Variants in SCN1A observed in about 807,000 individuals in gnomAD.
SCN1A encodes sodium channel protein type 1 subunit alpha.
A neutral mutation model predicts 193.7 loss-of-function variants in SCN1A; 13 were observed. The ratio of observed to expected loss-of-function variants is 0.07; its 90% CI spans 0.04 to 0.11. The LOEUF (loss-of-function observed/expected upper bound fraction) is 0.11. Among genes scored for constraint, SCN1A ranks in the 10% least tolerant of loss-of-function variants. SCN1A has a pLI of 1.00. For synonymous variants in SCN1A, 781 were observed against 843.6 expected (o/e 0.93, Z 1.29); for missense variants, 1,432 against 2,451.1 (o/e 0.58, Z 8.78).
At chr2:166,012,451 T>C (rs1692618223) in intron 21 of SCN1A, among the ~76,000 whole-genome samples, 169 bp from the exon 22 acceptor site, 1 of 150,802 alleles carries the variant, frequency 6.6e-6, no homozygotes, top group Admixed American at 6.6e-5. Flanking sequence ...ACTTATTTAA[T>C]CAGGGGAAAG....
chr2:166,132,366 A>C (rs76803694), upstream of SCN1A, among the ~76,000 whole-genome samples: 5,918 of 107,076 alleles, frequency 0.055, 261 homozygotes, highest in African/African-American at 0.14. Flanking sequence ...TGTAGATGTC[A>C]ATTTCCTAGT....
rs1299251889 is a variant in SCN1A, at chr2:166,039,526, T to A, written c.2486A>T (p.Gln829Leu). 3 of 1,613,816 alleles carry A rather than the reference T, an allele frequency of 1.9e-6. No individual in the cohort carries two copies. The highest frequency in any genetic ancestry group is 2.5e-6 in the Non-Finnish European group (3 of 1,179,936). ...ACCGTCAAAGATATTCCAGCCTTCTTGGAAATAATAGTAAGGATCCATGGC... is the reference window on the plus strand; with the variant it reads ...ACCGTCAAAGATATTCCAGCCTTCTAGGAAATAATAGTAAGGATCCATGGC... The part of the protein sequence containing the change: ...IIAMDPYYYF[Q>L]EGWNIFDGFI... The change falls in exon 17 of 29, where the codon CAA (glutamine) becomes CTA (leucine). Residue 829 changes from glutamine to leucine, a missense_variant. Gln to Leu is a moderately radical substitution (Grantham distance 113). This residue lies in a region of SCN1A where 93 missense variants were observed against 260.4 expected (regional missense o/e 0.36). Coordinates refer to ENST00000674923, the MANE Select transcript of SCN1A (RefSeq NM_001165963.4).
chr2:166,051,351 A>G (rs1323562457), intron 9 of SCN1A, among the ~76,000 whole-genome samples: 4 of 152,044 alleles, frequency 2.6e-5, no homozygotes, highest in Non-Finnish European at 4.4e-5. Flanking sequence ...AATTTTAAAT[A>G]TTGTTAAATA....
chr2:166,095,911 A>T (rs889487727), intron 2 of SCN1A, among the ~76,000 whole-genome samples: 2 of 152,210 alleles, frequency 1.3e-5, no homozygotes, highest in African/African-American at 4.8e-5. Context: ...CCAGGATGTC[A>T]TAAAATCATC....
intron 1 of SCN1A, chr2:166,137,680 G>A (rs143805469): frequency 6.6e-6 from 1 of 152,348 alleles, no homozygotes; most frequent in Non-Finnish European, 1.5e-5. Context: ...TCATGTCTCA[G>A]GTATGTCATT....
rs371270088 is a variant in SCN1A at position 166,047,717 on chromosome 2, A to G, written c.1080T>C (p.Tyr360=). The G allele has an allele frequency of 1.4e-5, 23 of 1,613,590 alleles. No individual in the cohort carries two copies. The African/African-American group carries it at 2.7e-4, about 19-fold the overall frequency. The part of the protein sequence containing the change: ...MCVKAGRNPN[Y]GYTSFDTFSW... Reference sequence around the variant, plus strand: ...TGAAGGTATCAAAGCTTGTGTAGCCATAATTGGGATTTCTACCAGCTTTCA... The same window carrying G: ...TGAAGGTATCAAAGCTTGTGTAGCCGTAATTGGGATTTCTACCAGCTTTCA... The change falls in exon 11 of 29, where the codon TAT becomes TAC. Residue 360 remains tyrosine, a synonymous_variant. Transcript: ENST00000674923.
chr2:165,997,161 C>CT (rs200835913), intron 26 of SCN1A, among the ~76,000 whole-genome samples: 9 of 149,676 alleles, frequency 6.0e-5, no homozygotes, highest in East Asian at 2.0e-4. Flanking sequence ...GTCCCTCTCT[C>CT]TTTTTTTTTG....
At chr2:166,103,229 T>G (rs1688315692) in intron 2 of SCN1A, among the ~76,000 whole-genome samples, 1 of 152,114 alleles carries the variant, frequency 6.6e-6, no homozygotes. Flanking sequence ...GGAGGGCGGA[T>G]CACCTGAGGC....
At position 165,992,825 on chromosome 2, in the gene SCN1A, A is replaced by G. The variant is rs973526206; in HGVS notation, c.4853-403T>C. 6 of 153,582 alleles carry G rather than the reference A, an allele frequency of 3.9e-5. No individual in the cohort carries two copies. The highest frequency in any genetic ancestry group is 3.3e-4 in the Admixed American group (5 of 15,236). The allele number at this position is 153,582 out of a possible 1,614,324, so 9.5% of individuals were successfully genotyped here. On this transcript the variant is annotated intron_variant, in intron 28 of 28. Transcript: ENST00000674923. This position sits in a 1 kb window ranked among gnomAD's most constrained non-coding sequence, Gnocchi z 6.5. The stretch of plus-strand genomic sequence containing the variant: ...TTGCCATATTCTAAATTCTCTATTT[A>G]CTCCTTTTCCATCTGAAAGTATTGG...
intron 2 of SCN1A, chr2:166,081,755 C>G (rs927814703): frequency 6.6e-6 from 1 of 151,916 alleles, no homozygotes; most frequent in East Asian, 1.9e-4. Flanking sequence ...GAAATTCCCC[C>G]TCCTCACTCC....
chr2:166,130,385 T>C (rs1431262220), upstream of SCN1A, among the ~76,000 whole-genome samples: 2 of 152,186 alleles, frequency 1.3e-5, no homozygotes, highest in Non-Finnish European at 2.9e-5. Flanking sequence ...TACATTGACA[T>C]GTCAGTCATA....
rs540457805 is a variant in SCN1A, at chr2:166,033,803, A to G, written c.3429+2245T>C. Among the ~76,000 whole-genome samples the G allele has an allele frequency of 1.7e-4, 26 of 152,202 alleles. No individual in the cohort carries two copies. In the Middle Eastern group the frequency reaches 0.02, roughly 119 times the overall value. On this transcript the variant is annotated intron_variant, in intron 19 of 28. Transcript: ENST00000674923. ...TGTCAAATTTTTACAGAAAATGTAT[A>G]TCTTATGGATGGTCTTTGTAAAATA...
chr2:165,999,875 T>G (rs536264592), intron 24 of SCN1A, 99 bp from the exon 25 acceptor site: 158 of 972,330 alleles, frequency 1.6e-4, no homozygotes, highest in Non-Finnish European at 2.5e-4. Context: ...AAAGGGAATA[T>G]TTTTGAAAGA....
At chr2:165,997,835 A>C (rs574488321) in intron 26 of SCN1A, among the ~76,000 whole-genome samples, 20 of 151,410 alleles carry the variant, frequency 1.3e-4, no homozygotes, top group African/African-American at 4.8e-4. Context: ...TGAACCTATG[A>C]ACAAGAGTGT....
At chr2:166,097,102 A>G (rs1339389011) in intron 2 of SCN1A, among the ~76,000 whole-genome samples, 3 of 150,838 alleles carry the variant, frequency 2.0e-5, no homozygotes, top group Non-Finnish European at 3.0e-5. Flanking sequence ...GCTCACTGCA[A>G]CCTAACTCTC....
chr2:166,053,213 G>T, intron 7 of SCN1A: 1 of 644,696 alleles, frequency 1.6e-6, no homozygotes, highest in Middle Eastern at 4.2e-4. Flanking sequence ...CCTTCTTGGT[G>T]ATTTTAAATG....
intron 19 of SCN1A, among the ~76,000 whole-genome samples, chr2:166,018,249 T>C (rs1160694400): frequency 2.6e-5 from 4 of 152,018 alleles, no homozygotes; most frequent in African/African-American, 7.2e-5. Context: ...CTCTGAAGCA[T>C]TGATTTTTAT....
chr2:166,041,604 A>T (rs921594017), intron 15 of SCN1A, 135 bp from the exon 16 acceptor site: 2 of 685,156 alleles, frequency 2.9e-6, no homozygotes, highest in Middle Eastern at 4.1e-4. Flanking sequence ...TGTACTTGTT[A>T]AAAAAATTAC....
chr2:166,129,877 C>G (rs1165396823), upstream of SCN1A, among the ~76,000 whole-genome samples: 3 of 152,218 alleles, frequency 2.0e-5, no homozygotes, highest in South Asian at 4.2e-4. Context: ...TAAACCTACC[C>G]TCTTGCTACA....
Sources: gnomAD v4.1 joint callset for allele counts (sites outside exome capture counted in the v4.1 genomes callset) on GRCh38, gnomAD v4.1.1 for gene constraint, gnomAD v4.1.1 regional missense constraint, Gnocchi (gnomAD v3.1) non-coding constraint, MANE v1.5 for transcripts, NCBI Gene and HGNC (gene_info 2026-07-23, HGNC 2026-07-21) for gene names.